PPP1R7: variants seen among roughly 807,000 people sequenced by gnomAD.
PPP1R7 encodes the protein protein phosphatase 1 regulatory subunit 7.
Under a neutral mutation model 45.2 loss-of-function variants are expected in PPP1R7, and 18 were observed. The observed-to-expected ratio is 0.40, with a 90% confidence interval of 0.28 to 0.59. The LOEUF (loss-of-function observed/expected upper bound fraction) is 0.59, where lower values mean the gene tolerates loss of function less well. Among genes scored for constraint, PPP1R7 ranks in the 20% least tolerant of loss-of-function variants. PPP1R7 has a pLI of 0.46. For missense variants in PPP1R7, 314 were observed against 455.8 expected (o/e 0.69, Z 2.83); for synonymous variants, 181 against 183.4 (o/e 0.99, Z 0.11).
intron 9 of PPP1R7, among the ~76,000 whole-genome samples, chr2:241,181,348 C>T (rs1368831623): frequency 1.3e-5 from 2 of 152,034 alleles, no homozygotes; most frequent in Admixed American, 6.5e-5. Flanking sequence ...CTGCCACAGA[C>T]AGATAGAAAA....
At chr2:241,149,830 T>G (rs2067200761), upstream of PPP1R7, 1 of 1,507,780 alleles carries the variant, frequency 6.6e-7, no homozygotes, top group Admixed American at 2.2e-5. Flanking sequence ...CGCACTGGGC[T>G]GGGAACGACT....
rs1311081202 is a variant in PPP1R7, at chr2:241,159,420, C to T, written c.434+77C>T. On this transcript the variant is annotated intron_variant, in intron 5 of 9. Coordinates refer to ENST00000234038, the MANE Select transcript of PPP1R7 (RefSeq NM_002712.3). ...GGGGGTGTCCAGTCTCCAGAGCCAA[C>T]CTCCTGCTGGCTCTTAGCCCTTGAG... is the stretch of plus-strand genomic sequence containing the variant. 6.7e-5 allele frequency: 104 copies of T among 1,556,130 alleles called. No individual in the cohort carries two copies. The South Asian group carries it at 1.1e-3, about 17-fold the overall frequency.
rs762719832 is a variant in PPP1R7 at position 241,166,366 on chromosome 2, G to A, written c.744G>A (p.Leu248=). The A allele has an allele frequency of 2.0e-5, 32 of 1,613,908 alleles. No individual in the cohort carries two copies. The African/African-American group carries it at 3.5e-4, about 17-fold the overall frequency. ...QSNRLTKIEG[L]QNLVNLRELY... ...ACCGGCTGACCAAGATCGAGGGTCT[G>A]CAGAACCTGGTGAACCTGCGGGAGC... The change falls in exon 8 of 10, where the codon CTG becomes CTA. Residue 248 remains leucine, a synonymous_variant. Coordinates refer to ENST00000234038, the MANE Select transcript of PPP1R7 (RefSeq NM_002712.3).
intron 1 of PPP1R7, among the ~76,000 whole-genome samples, chr2:241,151,296 G>C (rs1239557640): frequency 3.9e-5 from 6 of 152,190 alleles, no homozygotes; most frequent in African/African-American, 1.4e-4. Context: ...TGGGTCCCAT[G>C]GTTTGGTGAG....
At chr2:241,178,389 C>G (rs2067942676) in intron 9 of PPP1R7, among the ~76,000 whole-genome samples, 2 of 151,496 alleles carry the variant, frequency 1.3e-5, no homozygotes, top group African/African-American at 4.8e-5. Flanking sequence ...GAGATTCTAT[C>G]AATGAATGAT....
chr2:241,181,054 C>T (rs1258991549), intron 9 of PPP1R7, among the ~76,000 whole-genome samples: 3 of 152,066 alleles, frequency 2.0e-5, no homozygotes, highest in Non-Finnish European at 4.4e-5. Flanking sequence ...AAAAATTAGC[C>T]GAGCATGATG....
rs951165539 is a variant in PPP1R7 at position 241,160,423 on chromosome 2, A to G, written c.526A>G (p.Ile176Val). Residue 176 changes from isoleucine to valine, a missense_variant, in exon 6 of 10, where the codon ATC becomes GTC. This residue lies in a region of PPP1R7 where 168 missense variants were observed against 285.3 expected (regional missense o/e 0.59). Transcript: ENST00000234038. The part of the protein sequence containing the change: ...LKKLFLVNNK[I>V]SKIENLSNLH... The stretch of plus-strand genomic sequence containing the variant: ...AAAACTCTTCTTGGTCAACAATAAA[A>G]TCAGTAAAATTGAGAACTTAAGCAA... 6.2e-7 allele frequency: 1 copy of G among 1,613,126 alleles called. No individual in the cohort carries two copies. The highest frequency in any genetic ancestry group is 8.5e-7 in the Non-Finnish European group (1 of 1,179,814).
At chr2:241,175,180 A>G (rs952910531) in intron 9 of PPP1R7, among the ~76,000 whole-genome samples, 3 of 152,244 alleles carry the variant, frequency 2.0e-5, no homozygotes, top group African/African-American at 4.8e-5. Context: ...GTGGTAAAAC[A>G]TGCATAAAAT....
intron 8 of PPP1R7, among the ~76,000 whole-genome samples, chr2:241,168,514 G>C (rs141121950): frequency 6.6e-6 from 1 of 152,312 alleles, no homozygotes; most frequent in African/African-American, 2.4e-5. Flanking sequence ...ACCCACAGTC[G>C]CGTCTTCTGC....
intron 9 of PPP1R7, among the ~76,000 whole-genome samples, chr2:241,182,023 A>T (rs1228687185): frequency 1.3e-4 from 19 of 151,300 alleles, no homozygotes. Context: ...AAAATGCAAG[A>T]GAACTCTTCC....
upstream of PPP1R7, chr2:241,149,825 T>C: frequency 6.6e-7 from 1 of 1,519,522 alleles, no homozygotes; most frequent in Non-Finnish European, 8.8e-7. Context: ...GCGTCCGCAC[T>C]GGGCTGGGAA....
chr2:241,172,462 T>C (rs2067832492), intron 9 of PPP1R7, among the ~76,000 whole-genome samples: 1 of 152,058 alleles, frequency 6.6e-6, no homozygotes. Context: ...CTGGCCAACG[T>C]GGTGAAACCC....
intron 5 of PPP1R7, 115 bp from the exon 6 acceptor site, chr2:241,160,217 C>A: frequency 2.8e-6 from 2 of 709,462 alleles, no homozygotes; most frequent in Non-Finnish European, 2.2e-6. Context: ...CCCTCTCCCA[C>A]CCGGTAGTGA....
intron 9 of PPP1R7, among the ~76,000 whole-genome samples, chr2:241,171,017 A>G (rs1445198464): frequency 6.6e-6 from 1 of 152,240 alleles, no homozygotes; most frequent in East Asian, 1.9e-4. Context: ...AAACCAAACA[A>G]CAGGAATAAG....
intron 6 of PPP1R7, among the ~76,000 whole-genome samples, chr2:241,161,507 C>G (rs1032816181): frequency 4.6e-5 from 7 of 152,236 alleles, no homozygotes; most frequent in Non-Finnish European, 7.3e-5. Flanking sequence ...TGACACACTC[C>G]CAAAGGCAGT....
intron 9 of PPP1R7, among the ~76,000 whole-genome samples, chr2:241,179,767 A>G (rs543207718): frequency 1.3e-3 from 199 of 152,384 alleles, no homozygotes; most frequent in African/African-American, 4.2e-3. Flanking sequence ...TGGAATGTCT[A>G]TGGAGACAGA....
chr2:241,160,219 C>G lies in PPP1R7; in HGVS notation c.435-113C>G, dbSNP rs551711834. On this transcript the variant is annotated intron_variant, in intron 5 of 9. Coordinates refer to ENST00000234038, the MANE Select transcript of PPP1R7 (RefSeq NM_002712.3). ...TCAGAACCCCCCACCCTCTCCCACC[C>G]GGTAGTGACTGCCGTCCCCTGATGG... The G allele has an allele frequency of 2.9e-5, 22 of 759,640 alleles. No homozygotes were observed. The South Asian group carries it at 3.9e-4, about 13-fold the overall frequency. 47.1% of individuals were successfully genotyped at this position (759,640 alleles called of 1,614,324 possible).
At chr2:241,174,579 C>T (rs1380511068) in intron 9 of PPP1R7, among the ~76,000 whole-genome samples, 1 of 152,070 alleles carries the variant, frequency 6.6e-6, no homozygotes, top group Admixed American at 6.6e-5. Flanking sequence ...CCGGGATGAT[C>T]ACACCACCCA....
intron 1 of PPP1R7, among the ~76,000 whole-genome samples, chr2:241,152,889 T>C (rs1028878006): frequency 6.6e-6 from 1 of 152,230 alleles, no homozygotes; most frequent in Admixed American, 6.5e-5. Flanking sequence ...CTCTGTCCAG[T>C]GTCCAGTGTG....
Sources: allele counts gnomAD v4.1 joint callset (sites outside exome capture counted in the v4.1 genomes callset), GRCh38; gene constraint gnomAD v4.1.1; regional missense constraint gnomAD v4.1.1; transcripts MANE v1.5; gene names NCBI Gene and HGNC (gene_info 2026-07-23, HGNC 2026-07-21).